The following GRK7 variants were observed in gnomAD, a reference collection of about 807,000 sequenced individuals.
GRK7 encodes G protein-coupled receptor kinase 7.
In GRK7, 24 loss-of-function variants were observed where a neutral mutation model predicts 34.1. The ratio of observed to expected loss-of-function variants is 0.70; its 90% CI spans 0.51 to 0.99. The LOEUF is 0.99. Ranked by LOEUF, GRK7 falls within the 50% of genes least tolerant of loss-of-function variation. The pLI, the probability that GRK7 is intolerant of heterozygous loss-of-function variation, is 0.00. For synonymous variants in GRK7, 256 were observed against 279.4 expected (o/e 0.92, Z 0.84); for missense variants, 644 against 707.3 (o/e 0.91, Z 1.02).
At chr3:141,795,432 G>A (rs924302051) in intron 4 of GRK7, among the ~76,000 whole-genome samples, 4 of 152,228 alleles carry the variant, frequency 2.6e-5, no homozygotes, top group Admixed American at 6.5e-5. Context: ...TAAAGGCCTC[G>A]CAGCACAAGG....
At chr3:141,757,136 T>TTTTC in the GRK7 span, among the ~76,000 whole-genome samples, 8 of 127,786 alleles carry the variant, frequency 6.3e-5, no homozygotes, top group Admixed American at 1.5e-4. Context: ...CTTCTTTTTT[T>TTTTC]TTTTTTTTTT....
At chr3:141,774,155 G>C (rs1040193719) in intron 1 of GRK7, among the ~76,000 whole-genome samples, 2 of 152,144 alleles carry the variant, frequency 1.3e-5, no homozygotes, top group Non-Finnish European at 2.9e-5. Context: ...TGTTCCAGCC[G>C]GGCATGGTAG....
the GRK7 span, among the ~76,000 whole-genome samples, chr3:141,755,508 G>A: frequency 2.0e-5 from 3 of 152,212 alleles, no homozygotes. Flanking sequence ...TTATTAAAGA[G>A]GTGGATATTG....
intron 5 of GRK7, among the ~76,000 whole-genome samples, chr3:141,808,392 G>A (rs534468070): frequency 6.6e-6 from 1 of 152,238 alleles, no homozygotes; most frequent in African/African-American, 2.4e-5. Context: ...ACTTATATGA[G>A]GTACCTAGAG....
rs146703848 is a variant in GRK7 at position 141,778,649 on chromosome 3, C to A, written c.365C>A (p.Pro122Gln). The change falls in exon 3 of 6, where the codon CCG (proline) becomes CAG (glutamine). Residue 122 changes from proline (P) to glutamine (Q), a missense_variant. Coordinates refer to ENST00000682958, the MANE Select transcript of GRK7 (RefSeq NM_139209.3). The surrounding 1 kb of genome is among the most constrained non-coding windows in gnomAD (Gnocchi z 4.1). The part of the protein sequence containing the change: ...TCASAPAPGN[P>Q]QPFLSQAVAT... ...GCGAGTGCCCCTGCCCCGGGGAACCCGCAACCCTTCCTCAGCCAGGCCGTG... is the reference window on the plus strand; with the variant it reads ...GCGAGTGCCCCTGCCCCGGGGAACCAGCAACCCTTCCTCAGCCAGGCCGTG... 1 of 1,613,198 alleles carries A rather than the reference C, an allele frequency of 6.2e-7. No individual in the cohort carries two copies. The highest frequency in any genetic ancestry group is 8.5e-7 in the Non-Finnish European group (1 of 1,179,736).
intron 5 of GRK7, among the ~76,000 whole-genome samples, chr3:141,811,694 G>A (rs1027630018): frequency 4.0e-5 from 6 of 151,820 alleles, no homozygotes; most frequent in Admixed American, 6.6e-5. Context: ...TTAATCAAAC[G>A]AGATCACGTT....
intron 4 of GRK7, among the ~76,000 whole-genome samples, chr3:141,788,945 G>A (rs778366739): frequency 2.0e-4 from 30 of 152,022 alleles, no homozygotes; most frequent in South Asian, 1.2e-3. Flanking sequence ...GCACTACTAC[G>A]CCTGGCTGAG....
In GRK7 at chr3:141,778,359, C is replaced by T; in HGVS notation, c.75C>T (p.Cys25=). Residue 25 remains cysteine (C), a synonymous_variant, in exon 3 of 6, where the codon TGC becomes TGT. Coordinates refer to ENST00000682958, the MANE Select transcript of GRK7 (RefSeq NM_139209.3). The surrounding 1 kb of genome is among the most constrained non-coding windows in gnomAD (Gnocchi z 4.1). ...AYLQARKPSD[C]DSKELQRRRR... ...TGCAGGCCCGGAAGCCCTCGGACTG[C>T]GACAGCAAAGAGCTGCAGCGGCGGC... The T allele has an allele frequency of 3.7e-6, 6 of 1,610,266 alleles. No individual in the cohort carries two copies. The highest frequency in any genetic ancestry group is 5.1e-6 in the Non-Finnish European group (6 of 1,177,686).
chr3:141,789,909 T>A (rs2138789), intron 4 of GRK7, among the ~76,000 whole-genome samples: 36,970 of 152,026 alleles, frequency 0.24, 5,368 homozygotes, highest in African/African-American at 0.41. Context: ...TACTAGTATG[T>A]GATATGATTC....
intron 1 of GRK7, among the ~76,000 whole-genome samples, chr3:141,767,195 C>A (rs1262002708): frequency 6.6e-6 from 1 of 152,076 alleles, no homozygotes; most frequent in Non-Finnish European, 1.5e-5. Flanking sequence ...TCTTAAGTAG[C>A]CTCAAAAGCA....
At position 141,780,678 on chromosome 3, in the gene GRK7, A is replaced by C. The variant is rs1577914875; in HGVS notation, c.917A>C (p.His306Pro). Reference sequence around the variant, plus strand: ...GCCCAGATAGCCTGTGGGATGCTGCACCTCCATGAACTCGGCATCGTCTAT... The same window carrying C: ...GCCCAGATAGCCTGTGGGATGCTGCCCCTCCATGAACTCGGCATCGTCTAT... ...YSAQIACGML[H>P]LHELGIVYRD... is the part of the protein sequence containing the mutation. Residue 306 changes from histidine (H) to proline (P), a missense_variant, in exon 4 of 6, where the codon CAC becomes CCC. Coordinates refer to ENST00000682958, the MANE Select transcript of GRK7 (RefSeq NM_139209.3). The C allele has an allele frequency of 1.2e-6, 2 of 1,614,076 alleles. No individual in the cohort carries two copies. Among genetic ancestry groups the C allele is most frequent in the Non-Finnish European group, 1.7e-6 (2 of 1,180,040 alleles).
In GRK7 at chr3:141,779,782, T is replaced by A. The variant is rs749147469; in HGVS notation, c.613-592T>A. On this transcript the variant is annotated intron_variant, in intron 3 of 5. Transcript: ENST00000682958. ...GTTTCACACAATATGTGACCTTTTGTGTCTGGCTTCTTTCACTCATTAGAA... is the reference window on the plus strand; with the variant it reads ...GTTTCACACAATATGTGACCTTTTGAGTCTGGCTTCTTTCACTCATTAGAA... Among the ~76,000 whole-genome samples the A allele has an allele frequency of 6.7e-4, 102 of 152,364 alleles. 1 individual carries two copies. Among genetic ancestry groups the A allele is most frequent in the Non-Finnish European group, 9.0e-4 (61 of 68,036 alleles).
chr3:141,755,548 A>C, the GRK7 span, among the ~76,000 whole-genome samples: 2 of 152,228 alleles, frequency 1.3e-5, no homozygotes, highest in East Asian at 3.8e-4. Flanking sequence ...TGTTTCACAA[A>C]AGAAGAAGTC....
At chr3:141,811,728 C>T (rs1283861312) in intron 5 of GRK7, among the ~76,000 whole-genome samples, 1 of 152,154 alleles carries the variant, frequency 6.6e-6, no homozygotes. Context: ...GGGCATCCTC[C>T]AAGCCAAGGC....
rs148830987 is a variant in GRK7 at position 141,813,121 on chromosome 3, C to T, written c.1326-3593C>T. ...CTGACTTTTAAAAAATCTGTTTGTT[C>T]GTTTGTTTGTTTGTTTTGTTTTATG... On this transcript the variant is annotated intron_variant, in intron 5 of 5. Coordinates refer to ENST00000682958, the MANE Select transcript of GRK7 (RefSeq NM_139209.3). Among the ~76,000 whole-genome samples the T allele has an allele frequency of 4.1e-3, 616 of 151,948 alleles. 4 individuals are homozygous for T. The highest frequency in any genetic ancestry group is 0.027 in the East Asian group (141 of 5,162).
rs1055657448 is a variant in GRK7 at position 141,778,430 on chromosome 3, G to A, written c.146G>A (p.Arg49His). The change falls in exon 3 of 6, where the codon CGC becomes CAC. Residue 49 changes from arginine (R) to histidine (H), a missense_variant. Coordinates refer to ENST00000682958, the MANE Select transcript of GRK7 (RefSeq NM_139209.3). This position sits in a 1 kb window ranked among gnomAD's most constrained non-coding sequence, Gnocchi z 4.1. ...GGGCTGCAGGGCTGCGCGGAGCTCC[G>A]CCAGAAGCTGTCCCTGAACTTCCAC... ...LPGLQGCAELRQKLSLNFHSL... is the reference protein window; with the variant it reads ...LPGLQGCAELHQKLSLNFHSL... 4 of 1,612,858 alleles carry A rather than the reference G, an allele frequency of 2.5e-6. No individual in the cohort carries two copies. The highest frequency in any genetic ancestry group is 1.7e-6 in the Non-Finnish European group (2 of 1,179,838).
rs11396159 is a variant in GRK7, at chr3:141,787,843, TAA to T, written c.1050+7048_1050+7049del. On this transcript the variant is annotated intron_variant, in intron 4 of 5. Coordinates refer to ENST00000682958, the MANE Select transcript of GRK7 (RefSeq NM_139209.3). The stretch of plus-strand genomic sequence containing the variant: ...GGCAACATAGCAAGACTTTGTCTCT[TAA>T]AAAAAAAAAAAAAAATTACCTGGGC... Among the ~76,000 whole-genome samples the T allele has an allele frequency of 2.7e-4, 36 of 135,380 alleles. 1 individual carries two copies. Among genetic ancestry groups the T allele is most frequent in the African/African-American group, 4.3e-4 (16 of 37,246 alleles). The allele number at this position is 135,380 out of a possible 152,430, so 88.8% of individuals were successfully genotyped here.
the GRK7 span, among the ~76,000 whole-genome samples, chr3:141,754,803 ATAT>A: frequency 5.9e-5 from 9 of 152,322 alleles, no homozygotes; most frequent in Admixed American, 1.3e-4. Context: ...TTGCTGCTAC[ATAT>A]ACTTTCTTTT....
Position 141,778,028 on chromosome 3 carries a change from G to A in GRK7, c.-113-144G>A. The A allele has an allele frequency of 2.1e-6, 1 of 480,644 alleles. No homozygotes were observed. Among genetic ancestry groups the A allele is most frequent in the Non-Finnish European group, 3.6e-6 (1 of 274,402 alleles). 29.8% of individuals were successfully genotyped at this position (480,644 alleles called of 1,614,324 possible). Reference sequence around the variant, plus strand: ...GATGAAGGGACCAGTGGGGGAGGTGGCCCCGGCAGGTGTCCCAGCAGCTTT... The same window carrying A: ...GATGAAGGGACCAGTGGGGGAGGTGACCCCGGCAGGTGTCCCAGCAGCTTT... On this transcript the variant is annotated intron_variant, in intron 2 of 5. Coordinates refer to ENST00000682958, the MANE Select transcript of GRK7 (RefSeq NM_139209.3). This position sits in a 1 kb window ranked among gnomAD's most constrained non-coding sequence, Gnocchi z 4.1.
Sources: allele counts gnomAD v4.1 joint callset (sites outside exome capture counted in the v4.1 genomes callset), GRCh38; gene constraint gnomAD v4.1.1; non-coding constraint Gnocchi (gnomAD v3.1); transcripts MANE v1.5; gene names NCBI Gene and HGNC (gene_info 2026-07-23, HGNC 2026-07-21).